Variants in RWDD4 observed in about 807,000 individuals in gnomAD.
The protein encoded by RWDD4 is RWD domain-containing protein 4.
RWDD4 carries 16 observed loss-of-function variants against 30.0 expected under a neutral mutation model. That is an observed-to-expected ratio of 0.53 (90% CI 0.36 to 0.81). The LOEUF (loss-of-function observed/expected upper bound fraction) is 0.81, where lower values mean the gene tolerates loss of function less well. Ranked by LOEUF, RWDD4 falls within the 30% of genes least tolerant of loss-of-function variation. RWDD4 has a pLI of 0.00. For synonymous variants in RWDD4, 45 were observed against 72.1 expected (o/e 0.62, Z 1.90); for missense variants, 170 against 223.9 (o/e 0.76, Z 1.54).
intron 2 of RWDD4, chr4:183,653,733 TAA>T (rs1325857509): frequency 2.0e-5 from 3 of 152,172 alleles, no homozygotes; most frequent in African/African-American, 7.2e-5. Flanking sequence ...ATATAGATGA[TAA>T]AAAGTGATAA....
chr4:183,659,138 G>T lies in RWDD4; in HGVS notation c.-186C>A, dbSNP rs947077921. 1 of 422,524 alleles carries T rather than the reference G, an allele frequency of 2.4e-6. No homozygotes were observed. Among genetic ancestry groups the T allele is most frequent in the Non-Finnish European group, 4.0e-6 (1 of 249,352 alleles). The allele number at this position is 422,524 out of a possible 1,614,324, so 26.2% of individuals were successfully genotyped here. On this transcript the variant is annotated 5_prime_UTR_variant, in exon 1 of 8. Transcript: ENST00000326397. ...TCGGCAGCGCCCAGCCGCCGGCAGT[G>T]GGCTGTGGGCTACGAGCCGGAGCCG...
intron 2 of RWDD4, among the ~76,000 whole-genome samples, chr4:183,655,474 T>C (rs902280654): frequency 6.1e-5 from 9 of 147,264 alleles, no homozygotes; most frequent in African/African-American, 1.7e-4. Context: ...GTAGAGACAG[T>C]GGGGTTTCAC....
intron 6 of RWDD4, 47 bp downstream of exon 6, chr4:183,646,441 G>A: frequency 1.3e-6 from 2 of 1,597,690 alleles, no homozygotes; most frequent in South Asian, 1.1e-5. Flanking sequence ...TTATTTGCTG[G>A]TAATAATTGT....
At chr4:183,658,808 C>T (rs1014963020) in intron 1 of RWDD4, 121 bp downstream of exon 1, 3 of 926,142 alleles carry the variant, frequency 3.2e-6, no homozygotes, top group African/African-American at 1.7e-5. Flanking sequence ...CGGGGCACCC[C>T]GGCCGGCTCC....
rs962231446 is a variant in RWDD4, at chr4:183,639,848, G to T, written c.*1588C>A. 6.6e-6 allele frequency: 1 copy of T among 152,422 alleles called. No individual in the cohort carries two copies. The highest frequency in any genetic ancestry group is 1.5e-5 in the Non-Finnish European group (1 of 68,022). The allele number at this position is 152,422 out of a possible 1,614,324, so 9.4% of individuals were successfully genotyped here. ...ATTTCATATAAAAAGAGTAAAAATAGTTCATTGGCATGTAACTAGCATCAT... is the reference window on the plus strand; with the variant it reads ...ATTTCATATAAAAAGAGTAAAAATATTTCATTGGCATGTAACTAGCATCAT... On this transcript the variant is annotated 3_prime_UTR_variant, in exon 8 of 8. Coordinates refer to ENST00000326397, the MANE Select transcript of RWDD4 (RefSeq NM_152682.4).
Position 183,651,212 on chromosome 4 carries a change from A to G in RWDD4, c.215+6T>C. The stretch of plus-strand genomic sequence containing the variant: ...TGAAAAGCAGTAAAAACAAGACACT[A>G]CTCACATGGTGTTGTTAAAAAAAGC... On this transcript the variant is annotated splice_donor_region_variant and intron_variant, in intron 3 of 7. Coordinates refer to ENST00000326397, the MANE Select transcript of RWDD4 (RefSeq NM_152682.4). 1 of 1,613,188 alleles carries G rather than the reference A, an allele frequency of 6.2e-7. No homozygotes were observed. Among genetic ancestry groups the G allele is most frequent in the Non-Finnish European group, 8.5e-7 (1 of 1,179,350 alleles).
In RWDD4 at chr4:183,658,921, G is replaced by A; in HGVS notation, c.24+8C>T. 1 of 1,268,760 alleles carries A rather than the reference G, an allele frequency of 7.9e-7. No individual in the cohort carries two copies. Among genetic ancestry groups the A allele is most frequent in the East Asian group, 2.9e-5 (1 of 34,240 alleles). The allele number at this position is 1,268,760 out of a possible 1,614,324, so 78.6% of individuals were successfully genotyped here. Reference sequence around the variant, plus strand: ...CGCTGGGAGAGGGCCCTGAGCCGGGGGGCTCACCTCCTGGTCCTCGTTGGC... The same window carrying A: ...CGCTGGGAGAGGGCCCTGAGCCGGGAGGCTCACCTCCTGGTCCTCGTTGGC... On this transcript the variant is annotated splice_region_variant and intron_variant, in intron 1 of 7. Transcript: ENST00000326397.
Position 183,655,119 on chromosome 4 carries a change from T to G in RWDD4, c.105+762A>C, listed in dbSNP as rs562279478. On this transcript the variant is annotated intron_variant, in intron 2 of 7. Coordinates refer to ENST00000326397, the MANE Select transcript of RWDD4 (RefSeq NM_152682.4). ...TCATGCGTGGCTAATTTTTGTATTT[T>G]TAGTAGAGACAGGGTTTCACCTTGT... Among the ~76,000 whole-genome samples the G allele has an allele frequency of 6.0e-4, 91 of 151,892 alleles. 1 individual carries two copies. Among genetic ancestry groups the G allele is most frequent in the African/African-American group, 1.7e-3 (69 of 41,418 alleles).
intron 1 of RWDD4, among the ~76,000 whole-genome samples, chr4:183,656,328 A>T (rs1330037869): frequency 6.6e-6 from 1 of 152,366 alleles, no homozygotes; most frequent in Non-Finnish European, 1.5e-5. Flanking sequence ...CCTGGGTGCA[A>T]AGAGCATTAA....
intron 4 of RWDD4, among the ~76,000 whole-genome samples, chr4:183,650,697 A>G (rs946161698): frequency 1.3e-5 from 2 of 152,144 alleles, no homozygotes; most frequent in Non-Finnish European, 2.9e-5. Context: ...TTATGGAGAG[A>G]TTAAACAAAT....
intron 5 of RWDD4, 61 bp from the exon 6 acceptor site, chr4:183,646,598 A>C (rs908093050): frequency 2.8e-6 from 4 of 1,421,384 alleles, no homozygotes; most frequent in Non-Finnish European, 3.9e-6. Context: ...TATAATAATT[A>C]AGATTTTATA....
intron 2 of RWDD4, among the ~76,000 whole-genome samples, chr4:183,653,333 G>C (rs6846446): frequency 0.066 from 10,096 of 151,944 alleles, 1,112 homozygotes; most frequent in African/African-American, 0.23. Context: ...CTTTGAGAAG[G>C]TGAGGTGGGA....
rs1734184802 is a variant in RWDD4, at chr4:183,655,947, T to C, written c.39A>G (p.Ala13=). The change falls in exon 2 of 8, where the codon GCA becomes GCG. Residue 13 remains alanine, a synonymous_variant. Transcript: ENST00000326397. ...ANEDQEMELE[A]LRSIYEGDES... is the part of the protein sequence containing the mutation. ...CATCTCCTTCATAAATAGAGCGTAA[T>C]GCTTCTAGTTCCATCTGAAATAAAG... The C allele has an allele frequency of 6.2e-7, 1 of 1,609,178 alleles. No individual in the cohort carries two copies. Among genetic ancestry groups the C allele is most frequent in the African/African-American group, 1.3e-5 (1 of 74,808 alleles).
At position 183,651,057 on chromosome 4, in the gene RWDD4, G is replaced by A. The variant is rs1579128625; in HGVS notation, c.290C>T (p.Thr97Ile). 1 of 1,613,720 alleles carries A rather than the reference G, an allele frequency of 6.2e-7. No homozygotes were observed. Among genetic ancestry groups the A allele is most frequent in the South Asian group, 1.1e-5 (1 of 91,046 alleles). ...AVEANLGTAM[T>I]YTLFEYAKDN... ...TTTGGCATATTCAAACAATGTATAG[G>A]TCATAGCGGTTCCAAGATTAGCTTC... The change falls in exon 4 of 8, where the codon ACC (threonine) becomes ATC (isoleucine). Residue 97 changes from threonine (T) to isoleucine (I), a missense_variant. Transcript: ENST00000326397.
intron 5 of RWDD4, among the ~76,000 whole-genome samples, chr4:183,646,872 A>G (rs901167973): frequency 2.6e-5 from 4 of 152,226 alleles, no homozygotes; most frequent in African/African-American, 9.6e-5. Flanking sequence ...ACTGCTTTAT[A>G]TAAGAGGTCA....
intron 6 of RWDD4, 33 bp downstream of exon 6, chr4:183,646,455 A>G (rs1733967314): frequency 1.2e-6 from 2 of 1,603,680 alleles, no homozygotes; most frequent in Admixed American, 3.5e-5. Flanking sequence ...TAATTGTAAC[A>G]AGTTTAAAGA....
At chr4:183,641,855 G>A (rs1021216747) in intron 7 of RWDD4, among the ~76,000 whole-genome samples, 6 of 152,032 alleles carry the variant, frequency 3.9e-5, no homozygotes, top group Admixed American at 3.3e-4. Flanking sequence ...TTTAAATGTG[G>A]TCAAATAAAA....
rs964468045 is a variant in RWDD4 at position 183,655,937 on chromosome 4, T to C, written c.49A>G (p.Ile17Val). 6.2e-7 allele frequency: 1 copy of C among 1,611,116 alleles called. No homozygotes were observed. Among genetic ancestry groups the C allele is most frequent in the Non-Finnish European group, 8.5e-7 (1 of 1,177,632 alleles). The change falls in exon 2 of 8, where the codon ATT (isoleucine) becomes GTT (valine). Residue 17 changes from isoleucine to valine, a missense_variant. Physicochemically the swap from Ile to Val is conservative, Grantham distance 29. Coordinates refer to ENST00000326397, the MANE Select transcript of RWDD4 (RefSeq NM_152682.4). ...QEMELEALRS[I>V]YEGDESFREL... ...CGGAAACTTTCATCTCCTTCATAAA[T>C]AGAGCGTAATGCTTCTAGTTCCATC...
At chr4:183,643,775 A>C (rs999676110) in intron 7 of RWDD4, among the ~76,000 whole-genome samples, 1 of 152,110 alleles carries the variant, frequency 6.6e-6, no homozygotes, top group Non-Finnish European at 1.5e-5. Context: ...AAAATTAGCC[A>C]GGTGTGGTGG....
Sources: gnomAD v4.1 joint callset for allele counts (sites outside exome capture counted in the v4.1 genomes callset) on GRCh38, gnomAD v4.1.1 for gene constraint, MANE v1.5 for transcripts, NCBI Gene and HGNC (gene_info 2026-07-23, HGNC 2026-07-21) for gene names.